The following ASTL variants were observed in gnomAD, a reference collection of about 807,000 sequenced individuals.
ASTL encodes astacin-like metalloendopeptidase.
ASTL carries 27 observed loss-of-function variants against 36.7 expected under a neutral mutation model. That is an observed-to-expected ratio of 0.73 (90% confidence interval 0.54 to 1.01). The LOEUF (loss-of-function observed/expected upper bound fraction) is 1.01. Among genes scored for constraint, ASTL ranks in the 50% least tolerant of loss-of-function variants. The pLI is 0.00. For missense variants in ASTL, 524 were observed against 572.8 expected (o/e 0.91, Z 0.87); for synonymous variants, 222 against 228.1 (o/e 0.97, Z 0.24).
chr2:96,133,880 G>A, intron 4 of ASTL, 85 bp downstream of exon 4: 2 of 907,286 alleles, frequency 2.2e-6, no homozygotes, highest in Non-Finnish European at 3.6e-6. Flanking sequence ...ATGTGATGGT[G>A]TAAGAGGAAA....
At chr2:96,134,157 TG>T in intron 3 of ASTL, 99 bp from the exon 4 acceptor site, 1 of 776,412 alleles carries the variant, frequency 1.3e-6, no homozygotes, top group Non-Finnish European at 2.3e-6. Context: ...CCCAAAGATG[TG>T]GGAGTCAGGA....
chr2:96,133,652 A>T (rs764516548), intron 4 of ASTL, 110 bp from the exon 5 acceptor site: 15 of 818,722 alleles, frequency 1.8e-5, no homozygotes, highest in African/African-American at 3.4e-5. Context: ...GCATCAAGAA[A>T]GGGCAGCTTA....
chr2:96,136,884 G>A (rs937178977), intron 2 of ASTL, among the ~76,000 whole-genome samples: 2 of 152,128 alleles, frequency 1.3e-5, no homozygotes, highest in African/African-American at 4.8e-5. Context: ...ATGCTCTGTC[G>A]CCCAGGCTGG....
At chr2:96,133,606 C>G in intron 4 of ASTL, 64 bp from the exon 5 acceptor site, 2 of 1,201,810 alleles carry the variant, frequency 1.7e-6, no homozygotes, top group Non-Finnish European at 2.5e-6. Flanking sequence ...ACCTGAGGGT[C>G]TGGGAGCAGA....
At chr2:96,137,914 A>AG (rs1218089882) in intron 1 of ASTL, 3 of 547,268 alleles carry the variant, frequency 5.5e-6, no homozygotes, top group African/African-American at 3.8e-5. Context: ...GAGCTCCCTT[A>AG]GGGGGACCAA....
rs1682192434 is a variant in ASTL at position 96,132,146 on chromosome 2, C to G, written c.637+394G>C. On this transcript the variant is annotated intron_variant, in intron 6 of 8. Coordinates refer to ENST00000342380, the MANE Select transcript of ASTL (RefSeq NM_001002036.4). The surrounding 1 kb of genome is among the most constrained non-coding windows in gnomAD (Gnocchi z 5.4). ...GGGGTCCCACTTTGGCTCAGCTCCC[C>G]AAGCTGGCACACAGCCCCAGTCCAT... Among the ~76,000 whole-genome samples, 1 of 152,248 alleles carries G rather than the reference C, an allele frequency of 6.6e-6. No homozygotes were observed.
At chr2:96,136,300 A>C (rs993848658) in intron 2 of ASTL, among the ~76,000 whole-genome samples, 2 of 152,264 alleles carry the variant, frequency 1.3e-5, no homozygotes, top group Non-Finnish European at 2.9e-5. Flanking sequence ...CAGACAAGGG[A>C]GTAGCCCCCG....
In ASTL at chr2:96,138,473, A is replaced by T; in HGVS notation, c.-37T>A. ...GCTGCCCCTTCAGCAAACAAGACCA[A>T]GCCCCAGCAAGACACAGTAACCTAA... On this transcript the variant is annotated 5_prime_UTR_variant, in exon 1 of 9. It adds an upstream start codon to the 5' untranslated region. Transcript: ENST00000342380. 1 of 1,578,156 alleles carries T rather than the reference A, an allele frequency of 6.3e-7. No homozygotes were observed. Among genetic ancestry groups the T allele is most frequent in the South Asian group, 1.1e-5 (1 of 88,106 alleles).
At chr2:96,135,040 G>A (rs1682266437) in intron 3 of ASTL, among the ~76,000 whole-genome samples, 2 of 152,076 alleles carry the variant, frequency 1.3e-5, no homozygotes, top group South Asian at 2.1e-4. Flanking sequence ...CTTTATCTGA[G>A]CACCTCCCGA....
chr2:96,132,794 C>T lies in ASTL; in HGVS notation c.456-73G>A. The T allele has an allele frequency of 7.2e-7, 1 of 1,397,512 alleles. No individual in the cohort carries two copies. The allele number at this position is 1,397,512 out of a possible 1,614,324, so 86.6% of individuals were successfully genotyped here. A position where few individuals can be genotyped will look rare whatever the true frequency, so the allele number is the denominator to read the frequency against. Reference sequence around the variant, plus strand: ...CCGGACATACAGACCTGGGCTCTCCCTCCCCACACAACACAAGATAGACAA... The same window carrying T: ...CCGGACATACAGACCTGGGCTCTCCTTCCCCACACAACACAAGATAGACAA... On this transcript the variant is annotated intron_variant, in intron 5 of 8. Coordinates refer to ENST00000342380, the MANE Select transcript of ASTL (RefSeq NM_001002036.4). The surrounding 1 kb of genome is among the most constrained non-coding windows in gnomAD (Gnocchi z 5.4).
At position 96,124,176 on chromosome 2, in the gene ASTL, C is replaced by G; in HGVS notation, c.970G>C (p.Asp324His). 1 of 1,539,920 alleles carries G rather than the reference C, an allele frequency of 6.5e-7. No individual in the cohort carries two copies. The highest frequency in any genetic ancestry group is 8.7e-7 in the Non-Finnish European group (1 of 1,145,254). ...EALSAESRSP[D>H]PSGSSAGGQP... is the part of the protein sequence containing the mutation. ...CCTCCCGCACTGGAACCACTGGGGT[C>G]GGGGCTCCTGGATTCCGCCGACAGT... is the stretch of plus-strand genomic sequence containing the variant. The change falls in exon 9 of 9, where the codon GAC becomes CAC. Residue 324 changes from aspartate (D) to histidine (H), a missense_variant. Asp to His is a moderately conservative substitution (Grantham distance 81, BLOSUM62 -1). Coordinates refer to ENST00000342380, the MANE Select transcript of ASTL (RefSeq NM_001002036.4). The surrounding 1 kb of genome is among the most constrained non-coding windows in gnomAD (Gnocchi z 4.1).
chr2:96,135,677 GAC>G (rs777461553), intron 2 of ASTL, among the ~76,000 whole-genome samples: 27 of 152,236 alleles, frequency 1.8e-4, no homozygotes, highest in Non-Finnish European at 3.5e-4. Context: ...GGAGGACAAA[GAC>G]AAAGGAGACT....
rs573922224 is a variant in ASTL, at chr2:96,132,474, G to T, written c.637+66C>A. On this transcript the variant is annotated intron_variant, in intron 6 of 8. Transcript: ENST00000342380. This position sits in a 1 kb window ranked among gnomAD's most constrained non-coding sequence, Gnocchi z 5.4. ...ATAGCCTCACCCATGGGGACCAGGCGACTTGGGCCCAAGCCGTGCTGTCCC... is the reference window on the plus strand; with the variant it reads ...ATAGCCTCACCCATGGGGACCAGGCTACTTGGGCCCAAGCCGTGCTGTCCC... The T allele has an allele frequency of 2.1e-6, 3 of 1,458,004 alleles. No individual in the cohort carries two copies. The highest frequency in any genetic ancestry group is 2.7e-5 in the South Asian group (2 of 74,744). 90.3% of individuals were successfully genotyped at this position (1,458,004 alleles called of 1,614,324 possible).
chr2:96,133,644 A>G (rs367938166), intron 4 of ASTL, 102 bp from the exon 5 acceptor site: 10 of 872,146 alleles, frequency 1.1e-5, no homozygotes, highest in South Asian at 7.2e-5. Context: ...CCAAAATAGC[A>G]TCAAGAAAGG....
intron 6 of ASTL, among the ~76,000 whole-genome samples, chr2:96,131,403 T>C (rs571553542): frequency 1.3e-5 from 2 of 152,232 alleles, no homozygotes; most frequent in Non-Finnish European, 2.9e-5. Flanking sequence ...TTCTACTTTA[T>C]ATCATGATCA....
chr2:96,137,616 G>C lies in ASTL; in HGVS notation c.140C>G (p.Thr47Ser), dbSNP rs754481406. The C allele has an allele frequency of 5.0e-6, 8 of 1,613,976 alleles. No homozygotes were observed. The highest frequency in any genetic ancestry group is 6.8e-6 in the Non-Finnish European group (8 of 1,179,892). ...SFPDGLTPEG[T>S]QASGDKDIPA... ...AATGTCCTTGTCCCCGGAGGCCTGGGTTCCCTCAGGGGTGAGGCCATCTGG... is the reference window on the plus strand; with the variant it reads ...AATGTCCTTGTCCCCGGAGGCCTGGCTTCCCTCAGGGGTGAGGCCATCTGG... The change falls in exon 2 of 9, where the codon ACC (threonine) becomes AGC (serine). Residue 47 changes from threonine (T) to serine (S), a missense_variant. Coordinates refer to ENST00000342380, the MANE Select transcript of ASTL (RefSeq NM_001002036.4).
rs2969490 is a variant in ASTL, at chr2:96,138,165, T to C, written c.55+217A>G. 0.34 allele frequency among the ~76,000 whole-genome samples: 52,255 copies of C among 152,064 alleles called. 9,902 individuals carry two copies. The highest frequency in any genetic ancestry group is 0.64 in the East Asian group (3,285 of 5,164). ...GACAAGTAGGCCTGGGGCACAACAC[T>C]TATCTTCTGCCAGGCAGGCCCTCTG... On this transcript the variant is annotated intron_variant, in intron 1 of 8. Transcript: ENST00000342380.
chr2:96,138,235 G>C, intron 1 of ASTL, 147 bp downstream of exon 1: 1 of 755,194 alleles, frequency 1.3e-6, no homozygotes. Context: ...CCCAGGAGCT[G>C]ACTTCTAGAA....
rs1682200265 is a variant in ASTL at position 96,132,483 on chromosome 2, C to G, written c.637+57G>C. 9 of 1,497,160 alleles carry G rather than the reference C, an allele frequency of 6.0e-6. No individual in the cohort carries two copies. Among genetic ancestry groups the G allele is most frequent in the Non-Finnish European group, 8.1e-6 (9 of 1,108,016 alleles). The allele number at this position is 1,497,160 out of a possible 1,614,324, so 92.7% of individuals were successfully genotyped here. A position where few individuals can be genotyped will look rare whatever the true frequency, so the allele number is the denominator to read the frequency against. ...CCCATGGGGACCAGGCGACTTGGGC[C>G]CAAGCCGTGCTGTCCCCTCCCCGGC... On this transcript the variant is annotated intron_variant, in intron 6 of 8. Coordinates refer to ENST00000342380, the MANE Select transcript of ASTL (RefSeq NM_001002036.4). This position sits in a 1 kb window ranked among gnomAD's most constrained non-coding sequence, Gnocchi z 5.4.
Sources: gnomAD v4.1 joint callset for allele counts (sites outside exome capture counted in the v4.1 genomes callset) on GRCh38, gnomAD v4.1.1 for gene constraint, Gnocchi (gnomAD v3.1) non-coding constraint, MANE v1.5 for transcripts, NCBI Gene and HGNC (gene_info 2026-07-23, HGNC 2026-07-21) for gene names.